RAD51B: variants seen among roughly 807,000 people sequenced by gnomAD.
RAD51B encodes DNA repair protein RAD51 homolog 2.
In RAD51B, 38 loss-of-function variants were observed where a neutral mutation model predicts 42.2. The observed-to-expected ratio is 0.90, with a 90% confidence interval of 0.70 to 1.18. RAD51B has a LOEUF of 1.18. Ranked by LOEUF, RAD51B falls within the 50% of genes most tolerant of loss-of-function variation. The pLI, the probability that RAD51B is intolerant of heterozygous loss-of-function variation, is 0.00. For missense variants in RAD51B, 373 were observed against 400.7 expected (o/e 0.93, Z 0.59); for synonymous variants, 154 against 145.2 (o/e 1.06, Z -0.43).
At chr14:68,251,945 T>G (rs1163910854) in intron 7 of RAD51B, among the ~76,000 whole-genome samples, 1 of 152,246 alleles carries the variant, frequency 6.6e-6, no homozygotes, top group Non-Finnish European at 1.5e-5. Context: ...TTGACCTGTC[T>G]GCCATTTGGG....
chr14:68,538,566 G>A (rs12882030), intron 10 of RAD51B, among the ~76,000 whole-genome samples: 35,655 of 151,754 alleles, frequency 0.23, 4,714 homozygotes, highest in East Asian at 0.63. Flanking sequence ...CTTGCTCCAG[G>A]CCCTGCAAAT....
intron 10 of RAD51B, among the ~76,000 whole-genome samples, chr14:68,491,616 G>A (rs187359629): frequency 1.3e-5 from 2 of 152,062 alleles, no homozygotes; most frequent in African/African-American, 2.4e-5. Flanking sequence ...TAGTCCAAGT[G>A]GGGGGGCACT....
intron 7 of RAD51B, among the ~76,000 whole-genome samples, chr14:67,921,035 G>T (rs1366266719): frequency 6.6e-6 from 1 of 152,200 alleles, no homozygotes; most frequent in Non-Finnish European, 1.5e-5. Flanking sequence ...GAGCAGGCAT[G>T]CTACATGCTG....
At chr14:68,022,908 G>A (rs1416531492) in intron 7 of RAD51B, among the ~76,000 whole-genome samples, 2 of 152,024 alleles carry the variant, frequency 1.3e-5, no homozygotes, top group African/African-American at 2.4e-5. Flanking sequence ...TGGTATTTGG[G>A]TTTTTGTTTC....
At chr14:68,594,267 GAGAC>G (rs1251888037) in intron 10 of RAD51B, among the ~76,000 whole-genome samples, 3 of 152,202 alleles carry the variant, frequency 2.0e-5, no homozygotes, top group Non-Finnish European at 4.4e-5. Context: ...AAGGAAAAGA[GAGAC>G]AGAGCAAGAG....
chr14:68,680,196 T>C (rs1216649549), intron 11 of RAD51B, among the ~76,000 whole-genome samples: 1 of 152,248 alleles, frequency 6.6e-6, no homozygotes, highest in African/African-American at 2.4e-5. Context: ...TAAGTCTAGA[T>C]AATCAACACA....
At chr14:67,987,861 G>A (rs747674312) in intron 7 of RAD51B, among the ~76,000 whole-genome samples, 37 of 152,190 alleles carry the variant, frequency 2.4e-4, no homozygotes, top group Non-Finnish European at 4.4e-4. Flanking sequence ...CTTCCTCAGC[G>A]AAATAACAGC....
intron 10 of RAD51B, among the ~76,000 whole-genome samples, chr14:68,532,019 A>C (rs1176857976): frequency 6.6e-6 from 1 of 152,188 alleles, no homozygotes; most frequent in Non-Finnish European, 1.5e-5. Flanking sequence ...AACAATAGAG[A>C]ATATATGTTC....
At chr14:68,678,335 G>A (rs1323184736) in intron 11 of RAD51B, among the ~76,000 whole-genome samples, 2 of 152,128 alleles carry the variant, frequency 1.3e-5, no homozygotes, top group Non-Finnish European at 2.9e-5. Flanking sequence ...TGAACCTGTT[G>A]AGCTTGATCA....
chr14:68,028,821 T>C (rs2075995260), intron 7 of RAD51B, among the ~76,000 whole-genome samples: 1 of 152,192 alleles, frequency 6.6e-6, no homozygotes. Flanking sequence ...AGCGGTCAGC[T>C]GGGTTAGAGC....
At chr14:68,628,707 G>T (rs554534123) in intron 10 of RAD51B, among the ~76,000 whole-genome samples, 2 of 152,264 alleles carry the variant, frequency 1.3e-5, no homozygotes, top group South Asian at 4.1e-4. Context: ...CAGAGGGTAG[G>T]GGGTGAGGAG....
intron 9 of RAD51B, among the ~76,000 whole-genome samples, chr14:68,447,376 G>A (rs1566889777): frequency 1.3e-5 from 2 of 152,008 alleles, no homozygotes; most frequent in African/African-American, 4.8e-5. Flanking sequence ...CTACTTTCCT[G>A]GTTCCTATAT....
At chr14:68,246,890 C>T (rs574592427) in intron 7 of RAD51B, among the ~76,000 whole-genome samples, 1 of 152,086 alleles carries the variant, frequency 6.6e-6, no homozygotes, top group Non-Finnish European at 1.5e-5. Context: ...TGTTTTAGCC[C>T]GCAGTGGTTT....
At chr14:67,906,662 T>C (rs548419064) in intron 7 of RAD51B, among the ~76,000 whole-genome samples, 54 of 152,112 alleles carry the variant, frequency 3.6e-4, no homozygotes, top group Non-Finnish European at 6.9e-4. Flanking sequence ...TTCTTCTAGG[T>C]TTTTTAGTTT....
exon 11 of RAD51B, chr14:68,595,673 G>C: frequency 2.0e-6 from 2 of 976,190 alleles, no homozygotes; most frequent in Non-Finnish European, 2.5e-6. Context: ...CTAAATGTTC[G>C]ACCATATGGT....
At chr14:68,612,299 C>T (rs1891709403), downstream of RAD51B, among the ~76,000 whole-genome samples, 1 of 152,224 alleles carries the variant, frequency 6.6e-6, no homozygotes, top group African/African-American at 2.4e-5. Context: ...GAAAAGTCTC[C>T]TGTTTGTAAC....
At chr14:67,848,462 T>C (rs943045712) in intron 4 of RAD51B, among the ~76,000 whole-genome samples, 4 of 152,216 alleles carry the variant, frequency 2.6e-5, no homozygotes, top group Non-Finnish European at 4.4e-5. Context: ...CTTTTTACTT[T>C]GAGCCTGTGG....
At chr14:68,283,532 T>C (rs548315417) in intron 7 of RAD51B, among the ~76,000 whole-genome samples, 1 of 152,372 alleles carries the variant, frequency 6.6e-6, no homozygotes, top group East Asian at 1.9e-4. Flanking sequence ...TGGAAGCCAC[T>C]GTGGCTGCAT....
chr14:68,274,684 G>A (rs973081635), intron 7 of RAD51B, among the ~76,000 whole-genome samples: 1 of 152,092 alleles, frequency 6.6e-6, no homozygotes, highest in Non-Finnish European at 1.5e-5. Flanking sequence ...TAATAATTAT[G>A]TCAGAAATAA....
Sources: gnomAD v4.1 joint callset for allele counts (sites outside exome capture counted in the v4.1 genomes callset) on GRCh38, gnomAD v4.1.1 for gene constraint, MANE v1.5 for transcripts, NCBI Gene and HGNC (gene_info 2026-07-23, HGNC 2026-07-21) for gene names.